Variants in SF3A3 observed in about 807,000 individuals in gnomAD.
SF3A3 encodes splicing factor 3a subunit 3.
In SF3A3, 9 loss-of-function variants were observed where a neutral mutation model predicts 85.8. The observed-to-expected ratio is 0.10, with a 90% CI of 0.06 to 0.18. The LOEUF is 0.18. SF3A3 is among the 10% of genes least tolerant of loss of function. The pLI is 1.00. For missense variants in SF3A3, 306 were observed against 593.3 expected (o/e 0.52, Z 5.03); for synonymous variants, 195 against 204.4 (o/e 0.95, Z 0.39).
chr1:37,979,883 C>G (rs1268808287), intron 8 of SF3A3, among the ~76,000 whole-genome samples: 3 of 122,896 alleles, frequency 2.4e-5, no homozygotes, highest in African/African-American at 7.8e-5. Flanking sequence ...CAAAACAAAA[C>G]AAAACAAAAA....
chr1:37,979,510 G>C lies in SF3A3; in HGVS notation c.714C>G (p.Thr238=). 1.2e-6 allele frequency: 2 copies of C among 1,612,970 alleles called. No homozygotes were observed. Among genetic ancestry groups the C allele is most frequent in the East Asian group, 4.5e-5 (2 of 44,850 alleles). The stretch of plus-strand genomic sequence containing the variant: ...AGAGGTCAAGATGGGCTCCAGCATG[G>C]GTCAGGGCACTGCTTGTCTCTTTCT... ...GWPKETSSAL[T]HAGAHLDLSA... Residue 238 remains threonine (T), a synonymous_variant, in exon 9 of 17, where the codon ACC becomes ACG. Transcript: ENST00000373019.
intron 11 of SF3A3, among the ~76,000 whole-genome samples, chr1:37,978,372 A>G (rs890769858): frequency 6.6e-6 from 1 of 152,010 alleles, no homozygotes; most frequent in African/African-American, 2.4e-5. Context: ...AATACCTTGT[A>G]TAAGTATGTA....
At chr1:37,986,503 T>C (rs1646457891) in intron 4 of SF3A3, among the ~76,000 whole-genome samples, 1 of 152,062 alleles carries the variant, frequency 6.6e-6, no homozygotes. Context: ...CTTTACCTTA[T>C]TATAAGTGAG....
chr1:37,964,927 T>G (rs980263672), intron 15 of SF3A3, among the ~76,000 whole-genome samples: 1 of 151,918 alleles, frequency 6.6e-6, no homozygotes, highest in Non-Finnish European at 1.5e-5. Flanking sequence ...GGGAGGCCAA[T>G]GCGGGTGCAT....
chr1:37,977,807 T>C (rs10890227), intron 11 of SF3A3, among the ~76,000 whole-genome samples: 151,106 of 151,454 alleles, frequency 1, 75,381 homozygotes, highest in Middle Eastern at 1. Flanking sequence ...CCACTGCACT[T>C]GAGCCTGGGT....
chr1:37,959,071 C>G (rs28458440), intron 16 of SF3A3, among the ~76,000 whole-genome samples: 1 of 150,956 alleles, frequency 6.6e-6, no homozygotes, highest in Admixed American at 6.6e-5. Context: ...GCCATTTCAA[C>G]TTTTTTTTCT....
At chr1:37,967,970 G>T (rs1017782271) in intron 15 of SF3A3, 74 bp downstream of exon 15, 1 of 841,644 alleles carries the variant, frequency 1.2e-6, no homozygotes, top group East Asian at 2.4e-5. Flanking sequence ...GGATACACAG[G>T]GTATTAGGAT....
At chr1:37,962,598 C>T (rs1173030091) in intron 15 of SF3A3, among the ~76,000 whole-genome samples, 2 of 71,912 alleles carry the variant, frequency 2.8e-5, no homozygotes, top group African/African-American at 7.0e-5. Context: ...AGCGAAACTC[C>T]ATCTCAAAAA....
At chr1:37,968,801 A>G (rs1331409479) in intron 14 of SF3A3, among the ~76,000 whole-genome samples, 1 of 152,222 alleles carries the variant, frequency 6.6e-6, no homozygotes, top group Non-Finnish European at 1.5e-5. Flanking sequence ...TTGGTCTAGC[A>G]TAAATGTTTT....
chr1:37,985,949 CTTTTTT>C (rs10673830), intron 4 of SF3A3, among the ~76,000 whole-genome samples: 8 of 118,942 alleles, frequency 6.7e-5, no homozygotes, highest in African/African-American at 2.6e-4. Context: ...TCCTACCAGA[CTTTTTT>C]TTTTTTTTTT....
At chr1:37,982,940 A>AT (rs561873267) in intron 6 of SF3A3, among the ~76,000 whole-genome samples, 4 of 151,280 alleles carry the variant, frequency 2.6e-5, no homozygotes, top group South Asian at 2.1e-4. Flanking sequence ...ACAAAAAAAA[A>AT]TTTTTTTTTT....
At chr1:37,988,380 G>A (rs1452348854) in intron 2 of SF3A3, among the ~76,000 whole-genome samples, 1 of 152,114 alleles carries the variant, frequency 6.6e-6, no homozygotes, top group African/African-American at 2.4e-5. Context: ...TTCAAAAGAG[G>A]TATCATATAT....
intron 12 of SF3A3, among the ~76,000 whole-genome samples, chr1:37,974,239 A>G (rs560829845): frequency 6.7e-6 from 1 of 150,264 alleles, no homozygotes; most frequent in Non-Finnish European, 1.5e-5. Flanking sequence ...AAAAAAAATT[A>G]AAAAAAAAAT....
rs372220164 is a variant in SF3A3 at position 37,989,479 on chromosome 1, C to A, written c.144+69G>T. The A allele has an allele frequency of 8.8e-5, 135 of 1,539,886 alleles. No individual in the cohort carries two copies. In the African/African-American group the frequency reaches 1.7e-3, roughly 20 times the overall value. ...TGGCCAGGGACTCATGCTGAGACACCGCACTTCACTTCCCCTCTCTTTTCC... is the reference window on the plus strand; with the variant it reads ...TGGCCAGGGACTCATGCTGAGACACAGCACTTCACTTCCCCTCTCTTTTCC... On this transcript the variant is annotated intron_variant, in intron 2 of 16. Transcript: ENST00000373019.
intron 7 of SF3A3, among the ~76,000 whole-genome samples, chr1:37,981,086 T>A (rs949028633): frequency 6.6e-6 from 1 of 152,024 alleles, no homozygotes; most frequent in Non-Finnish European, 1.5e-5. Flanking sequence ...TGACCTCAGG[T>A]GATCCGTCTG....
intron 4 of SF3A3, among the ~76,000 whole-genome samples, chr1:37,985,593 T>C (rs1193887338): frequency 6.6e-6 from 1 of 152,206 alleles, no homozygotes; most frequent in East Asian, 1.9e-4. Flanking sequence ...TTTGTTTTTG[T>C]TTTTTTAACA....
chr1:37,979,322 G>A, intron 9 of SF3A3, 143 bp downstream of exon 9: 1 of 687,902 alleles, frequency 1.5e-6, no homozygotes, highest in South Asian at 2.1e-5. Flanking sequence ...TTTTCTTTTT[G>A]CCTTGCTACT....
At chr1:37,973,762 C>CT (rs1227530906) in intron 12 of SF3A3, among the ~76,000 whole-genome samples, 1 of 152,128 alleles carries the variant, frequency 6.6e-6, no homozygotes, top group African/African-American at 2.4e-5. Flanking sequence ...AATAATGCTG[C>CT]TATAAAGACA....
chr1:37,980,492 A>C, intron 8 of SF3A3, 94 bp downstream of exon 8: 1 of 1,314,516 alleles, frequency 7.6e-7, no homozygotes, highest in Non-Finnish European at 1.1e-6. Flanking sequence ...CAAGGAATTG[A>C]TACCTAATGC....
Sources: gnomAD v4.1 joint callset for allele counts (sites outside exome capture counted in the v4.1 genomes callset) on GRCh38, gnomAD v4.1.1 for gene constraint, MANE v1.5 for transcripts, NCBI Gene and HGNC (gene_info 2026-07-23, HGNC 2026-07-21) for gene names.